The following CFAP52 variants were observed in gnomAD, a reference collection of about 807,000 sequenced individuals.
The protein encoded by CFAP52 is cilia and flagella associated protein 52.
A neutral mutation model predicts 70.5 loss-of-function variants in CFAP52; 57 were observed. The ratio of observed to expected loss-of-function variants is 0.81; its 90% confidence interval spans 0.65 to 1.01. The LOEUF (loss-of-function observed/expected upper bound fraction) is 1.01, where lower values mean the gene tolerates loss of function less well. Ranked by LOEUF, CFAP52 falls within the 50% of genes least tolerant of loss-of-function variation. The probability of loss-of-function intolerance (pLI) is 0.00; values close to 1 mark genes in which losing one functional copy is unlikely to be tolerated. For synonymous variants in CFAP52, 267 were observed against 292.5 expected, an observed-to-expected ratio of 0.91 and a Z score of 0.89; for missense variants, 785 against 788.5, an observed-to-expected ratio of 1.00 and a Z score of 0.05.
chr17:9,583,021 A>T (rs1156581047), intron 1 of CFAP52, among the ~76,000 whole-genome samples: 1 of 152,178 alleles, frequency 6.6e-6, no homozygotes, highest in African/African-American at 2.4e-5. Flanking sequence ...ATAGTTGGAA[A>T]GTCATTTCTT....
chr17:9,604,424 A>G (rs1402587308), intron 6 of CFAP52, among the ~76,000 whole-genome samples: 4 of 152,178 alleles, frequency 2.6e-5, no homozygotes, highest in Non-Finnish European at 5.9e-5. Flanking sequence ...TTAAAACTCA[A>G]CAATAAGAAA....
At chr17:9,613,564 C>T (rs1228564252) in intron 8 of CFAP52, among the ~76,000 whole-genome samples, 1 of 152,002 alleles carries the variant, frequency 6.6e-6, no homozygotes, top group African/African-American at 2.4e-5. Context: ...GTCACCCAGG[C>T]TGGAGTGCAG....
At chr17:9,585,488 G>C (rs1725404317) in intron 1 of CFAP52, among the ~76,000 whole-genome samples, 1 of 152,110 alleles carries the variant, frequency 6.6e-6, no homozygotes, top group Admixed American at 6.5e-5. Flanking sequence ...CCAACATGGT[G>C]AAACCCCGTC....
Position 9,635,416 on chromosome 17 carries a change from G to T in CFAP52, c.1332G>T (p.Trp444Cys). The change falls in exon 11 of 14, where the codon TGG (tryptophan) becomes TGT (cysteine). Residue 444 changes from tryptophan to cysteine, a missense_variant. Coordinates refer to ENST00000352665, the MANE Select transcript of CFAP52 (RefSeq NM_145054.5). ...SGGGEGEVRV[W>C]QIGCQTQKLE... ...TCTGTGGCTTTCAGGTGAGGGTATG[G>T]CAGATAGGCTGTCAGACCCAGAAGC... The T allele has an allele frequency of 6.2e-7, 1 of 1,614,056 alleles. No homozygotes were observed. Among genetic ancestry groups the T allele is most frequent in the South Asian group, 1.1e-5 (1 of 91,072 alleles).
At chr17:9,592,693 A>G (rs1431061025) in intron 3 of CFAP52, among the ~76,000 whole-genome samples, 1 of 151,848 alleles carries the variant, frequency 6.6e-6, no homozygotes, top group Non-Finnish European at 1.5e-5. Flanking sequence ...CATGCACAGT[A>G]TTTCATTTTT....
At chr17:9,586,086 TC>T in intron 2 of CFAP52, 114 bp downstream of exon 2, 3 of 1,116,392 alleles carry the variant, frequency 2.7e-6, no homozygotes, top group Non-Finnish European at 3.8e-6. Flanking sequence ...TCTTCCTTCT[TC>T]TTCTTTTTGA....
intron 1 of CFAP52, among the ~76,000 whole-genome samples, chr17:9,585,479 C>T (rs1009773306): frequency 7.2e-5 from 11 of 152,104 alleles, no homozygotes; most frequent in East Asian, 5.8e-4. Flanking sequence ...CCAGCCTGAC[C>T]AACATGGTGA....
At chr17:9,590,163 G>C (rs1908683748) in intron 3 of CFAP52, 1 of 189,660 alleles carries the variant, frequency 5.3e-6, no homozygotes, top group African/African-American at 2.3e-5. Flanking sequence ...TCGATCCATG[G>C]TATCTTCAGA....
At chr17:9,580,548 G>T (rs115740131) in intron 1 of CFAP52, among the ~76,000 whole-genome samples, 360 of 152,158 alleles carry the variant, frequency 2.4e-3, no homozygotes, top group African/African-American at 8.2e-3. Flanking sequence ...AAATAGCCAG[G>T]CATGGCGATG....
intron 8 of CFAP52, among the ~76,000 whole-genome samples, chr17:9,614,120 T>TCGTTTC (rs1555543290): frequency 1.3e-5 from 2 of 151,784 alleles, no homozygotes; most frequent in Non-Finnish European, 2.9e-5. Flanking sequence ...TGCATCTCTT[T>TCGTTTC]CTTTTCCTTT....
chr17:9,630,985 CAAAA>C (rs1238713027), intron 9 of CFAP52, among the ~76,000 whole-genome samples: 4 of 92,712 alleles, frequency 4.3e-5, no homozygotes, highest in East Asian at 3.1e-4. Context: ...GACTCCATCT[CAAAA>C]AAAAGAAAGA....
rs769533731 is a variant in CFAP52 at position 9,638,561 on chromosome 17, CT to C, written c.1473-47del. 3.2e-6 allele frequency: 5 copies of C among 1,577,816 alleles called. No individual in the cohort carries two copies. The African/African-American group carries it at 6.8e-5, about 21-fold the overall frequency. On this transcript the variant is annotated intron_variant, in intron 11 of 13. Coordinates refer to ENST00000352665, the MANE Select transcript of CFAP52 (RefSeq NM_145054.5). ...CCAGCTTGAATAGTGAATAAATTTC[CT>C]AGGGAAGAGAAAGTCGACTTTCACA... is the stretch of plus-strand genomic sequence containing the variant.
chr17:9,613,815 G>A lies in CFAP52; in HGVS notation c.1025+1336G>A, dbSNP rs187029357. Among the ~76,000 whole-genome samples the A allele has an allele frequency of 1.1e-3, 167 of 151,990 alleles. 1 individual carries two copies. The highest frequency in any genetic ancestry group is 5.3e-4 in the Non-Finnish European group (36 of 67,976). On this transcript the variant is annotated intron_variant, in intron 8 of 13. Coordinates refer to ENST00000352665, the MANE Select transcript of CFAP52 (RefSeq NM_145054.5). ...ATTACAGGCGTGAGCCACTGCACCCGGCCTCAGACCTCAGTTTTTGAGATC... is the reference window on the plus strand; with the variant it reads ...ATTACAGGCGTGAGCCACTGCACCCAGCCTCAGACCTCAGTTTTTGAGATC...
At chr17:9,600,328 G>A (rs372103458) in intron 6 of CFAP52, 145 bp downstream of exon 6, 54 of 674,952 alleles carry the variant, frequency 8.0e-5, no homozygotes, top group East Asian at 4.3e-4. Context: ...TGCAACTTCT[G>A]CCTCCCAGGT....
chr17:9,589,732 CAAAAAA>C (rs33978485), intron 3 of CFAP52, among the ~76,000 whole-genome samples: 1 of 127,498 alleles, frequency 7.8e-6, no homozygotes. Flanking sequence ...GACTCCGTCT[CAAAAAA>C]AAAAAAAAAA....
At chr17:9,604,291 C>A (rs528461216) in intron 6 of CFAP52, among the ~76,000 whole-genome samples, 8 of 152,130 alleles carry the variant, frequency 5.3e-5, no homozygotes, top group Admixed American at 2.0e-4. Context: ...TCCTTAAAAT[C>A]AAAAATTCTG....
At position 9,631,031 on chromosome 17, in the gene CFAP52, AG is replaced by A. The variant is rs1567634844; in HGVS notation, c.1175-1856del. 7.8e-3 allele frequency among the ~76,000 whole-genome samples: 421 copies of A among 54,006 alleles called. 9 individuals are homozygous for A. Among genetic ancestry groups the A allele is most frequent in the African/African-American group, 0.021 (245 of 11,838 alleles). 35.4% of individuals were successfully genotyped at this position (54,006 alleles called of 152,430 possible). A position where few individuals can be genotyped will look rare whatever the true frequency, so the allele number is the denominator to read the frequency against. ...GAAAGAAAGAAAGAAAGAAAGAAAG[AG>A]AGAGAGAGAGAGAGAGAGAGAGAAA... is the stretch of plus-strand genomic sequence containing the variant. On this transcript the variant is annotated intron_variant, in intron 9 of 13. Transcript: ENST00000352665.
At chr17:9,645,055 C>G (rs1327781023), downstream of CFAP52, 1 of 152,220 alleles carries the variant, frequency 6.6e-6, no homozygotes, top group African/African-American at 2.4e-5. The surrounding 1 kb of genome is among the most constrained non-coding windows in gnomAD (Gnocchi z 6.8). Flanking sequence ...AAGGGGCAGA[C>G]GGTCTGGAAG....
chr17:9,586,846 A>AATG lies in CFAP52; in HGVS notation c.407+13_407+14insTGA. The AATG allele has an allele frequency of 1.9e-6, 3 of 1,574,986 alleles. No homozygotes were observed. The highest frequency in any genetic ancestry group is 1.7e-6 in the Non-Finnish European group (2 of 1,166,722). On this transcript the variant is annotated intron_variant, in intron 3 of 13. Coordinates refer to ENST00000352665, the MANE Select transcript of CFAP52 (RefSeq NM_145054.5). ...CCAGATGACGGAAGGTAATGAACTA[A>AATG]ACATAGTTACTTATTTTCTTTATTT...
Sources: gnomAD v4.1 joint callset for allele counts (sites outside exome capture counted in the v4.1 genomes callset) on GRCh38, gnomAD v4.1.1 for gene constraint, Gnocchi (gnomAD v3.1) non-coding constraint, MANE v1.5 for transcripts, NCBI Gene and HGNC (gene_info 2026-07-23, HGNC 2026-07-21) for gene names.